Variants in DCDC2C observed in about 807,000 individuals in gnomAD.
The protein encoded by DCDC2C is doublecortin domain containing 2C, also known as doublecortin domain-containing protein 2C.
Under a neutral mutation model 45.0 loss-of-function variants are expected in DCDC2C, and 44 were observed. The observed-to-expected ratio is 0.98, with a 90% CI of 0.77 to 1.26. The LOEUF is 1.26. Among genes scored for constraint, DCDC2C ranks in the 50% most tolerant of loss-of-function variants. DCDC2C has a pLI of 0.00. For missense variants in DCDC2C, 447 were observed against 468.9 expected (o/e 0.95, Z 0.43); for synonymous variants, 187 against 178.8 (o/e 1.05, Z -0.37).
intron 6 of DCDC2C, among the ~76,000 whole-genome samples, chr2:3,762,248 T>C (rs1669898910): frequency 6.6e-6 from 1 of 151,586 alleles, no homozygotes; most frequent in Non-Finnish European, 1.5e-5. Flanking sequence ...TTTGTCCTGC[T>C]CCTGTCCTTG....
chr2:3,729,077 T>C (rs537368893), intron 3 of DCDC2C, among the ~76,000 whole-genome samples: 6 of 152,382 alleles, frequency 3.9e-5, no homozygotes, highest in South Asian at 4.1e-4. Context: ...ATTCCACTTA[T>C]ACTGGCGTGG....
intron 2 of DCDC2C, among the ~76,000 whole-genome samples, 157 bp from the exon 3 acceptor site, chr2:3,726,846 C>T (rs357940): frequency 0.95 from 144,654 of 152,160 alleles, 69,177 homozygotes; most frequent in East Asian, 1. Context: ...TGGTCTGCCT[C>T]TCTCTGCATC....
intron 4 of DCDC2C, among the ~76,000 whole-genome samples, chr2:3,742,801 C>G (rs1454801578): frequency 1.3e-5 from 2 of 152,150 alleles, no homozygotes; most frequent in Non-Finnish European, 2.9e-5. Flanking sequence ...GAAATTCAGC[C>G]CTATTGTGAG....
In DCDC2C at chr2:3,752,913, C is replaced by T. The variant is rs766221271; in HGVS notation, c.683+13C>T. On this transcript the variant is annotated intron_variant, in intron 5 of 10. Transcript: ENST00000399143. ...GTGAGGTCCAACAGTGAGCATGCTT[C>T]GTACCTTTCTTTCCTGAGTTTTGGA... 42 of 1,546,464 alleles carry T rather than the reference C, an allele frequency of 2.7e-5. No individual in the cohort carries two copies. Among genetic ancestry groups the T allele is most frequent in the Non-Finnish European group, 3.5e-5 (40 of 1,144,748 alleles).
intron 10 of DCDC2C, among the ~76,000 whole-genome samples, chr2:3,794,037 C>T (rs1484825169): frequency 6.6e-6 from 1 of 152,206 alleles, no homozygotes; most frequent in Non-Finnish European, 1.5e-5. Context: ...AGGTTAGTTA[C>T]AATGTGGAAT....
intron 10 of DCDC2C, among the ~76,000 whole-genome samples, chr2:3,806,771 A>G (rs941553966): frequency 1.3e-5 from 2 of 151,004 alleles, no homozygotes; most frequent in Non-Finnish European, 3.0e-5. Context: ...CTAGTCTCCA[A>G]CTCCTGACCT....
chr2:3,726,401 G>A (rs1668689019), intron 2 of DCDC2C, among the ~76,000 whole-genome samples: 1 of 152,052 alleles, frequency 6.6e-6, no homozygotes, highest in African/African-American at 2.4e-5. Context: ...TGCTTACCTG[G>A]GACAGGTCTC....
intron 2 of DCDC2C, among the ~76,000 whole-genome samples, chr2:3,719,074 C>T (rs1001048970): frequency 1.8e-4 from 28 of 151,782 alleles, no homozygotes; most frequent in Admixed American, 1.6e-3. Flanking sequence ...ATCCTGCAGG[C>T]TTGGTGCAGC....
intron 8 of DCDC2C, among the ~76,000 whole-genome samples, chr2:3,771,410 C>A (rs1041455253): frequency 6.6e-6 from 1 of 152,214 alleles, no homozygotes; most frequent in African/African-American, 2.4e-5. Flanking sequence ...GTGGTGTTGC[C>A]CAAACCGCGT....
At chr2:3,795,725 A>G (rs1417079071) in intron 10 of DCDC2C, among the ~76,000 whole-genome samples, 2 of 109,936 alleles carry the variant, frequency 1.8e-5, no homozygotes, top group Non-Finnish European at 3.6e-5. Flanking sequence ...CCATTGATCT[A>G]TATCTCTGTT....
chr2:3,811,275 C>T (rs765617001), intron 10 of DCDC2C, among the ~76,000 whole-genome samples: 2 of 152,144 alleles, frequency 1.3e-5, no homozygotes, highest in Non-Finnish European at 2.9e-5. Flanking sequence ...GTTTGTAGTT[C>T]TCCTTGAAGA....
intron 10 of DCDC2C, 90 bp from the exon 11 acceptor site, chr2:3,847,064 A>T: frequency 1.1e-6 from 1 of 883,688 alleles, no homozygotes; most frequent in Non-Finnish European, 1.5e-6. Flanking sequence ...TCCAACAGAA[A>T]TGCAAGCTCC....
chr2:3,737,074 G>A (rs1669051825), intron 3 of DCDC2C, among the ~76,000 whole-genome samples: 1 of 152,090 alleles, frequency 6.6e-6, no homozygotes. Flanking sequence ...TCCAATCCAT[G>A]TACCCCCCGC....
intron 9 of DCDC2C, among the ~76,000 whole-genome samples, chr2:3,781,943 G>T (rs982803032): frequency 3.3e-5 from 5 of 152,310 alleles, no homozygotes; most frequent in Admixed American, 3.3e-4. Context: ...TTTTGTGGTA[G>T]AATACAAATT....
chr2:3,728,579 T>C (rs1017204064), intron 3 of DCDC2C, among the ~76,000 whole-genome samples: 1 of 152,114 alleles, frequency 6.6e-6, no homozygotes, highest in Non-Finnish European at 1.5e-5. Context: ...ACCAACACAG[T>C]CTTGCAGCAT....
At chr2:3,817,071 G>T (rs1374249890) in intron 10 of DCDC2C, among the ~76,000 whole-genome samples, 1 of 152,170 alleles carries the variant, frequency 6.6e-6, no homozygotes, top group Admixed American at 6.5e-5. Flanking sequence ...ATTGATAGGT[G>T]GAAGTTTCAG....
At chr2:3,746,761 G>A (rs1381641430) in intron 4 of DCDC2C, among the ~76,000 whole-genome samples, 2 of 152,212 alleles carry the variant, frequency 1.3e-5, no homozygotes, top group African/African-American at 4.8e-5. Context: ...ATCAGAGGCA[G>A]TGCTGGGGCT....
intron 10 of DCDC2C, among the ~76,000 whole-genome samples, chr2:3,820,042 C>T (rs553975428): frequency 4.6e-5 from 7 of 151,810 alleles, no homozygotes; most frequent in South Asian, 4.2e-4. Context: ...GGGTGGAGAC[C>T]GAAGGAACAG....
At chr2:3,803,145 A>T (rs1301595560) in intron 10 of DCDC2C, among the ~76,000 whole-genome samples, 2 of 152,188 alleles carry the variant, frequency 1.3e-5, no homozygotes, top group African/African-American at 4.8e-5. Flanking sequence ...AGCCCTTGAG[A>T]TGTGGCTCTA....
Sources: gnomAD v4.1 joint callset for allele counts (sites outside exome capture counted in the v4.1 genomes callset) on GRCh38, gnomAD v4.1.1 for gene constraint, MANE v1.5 for transcripts, NCBI Gene and HGNC (gene_info 2026-07-23, HGNC 2026-07-21) for gene names.